Variants in CSMD3 observed in about 807,000 individuals in gnomAD.
CSMD3 encodes CUB and sushi domain-containing protein 3.
Under a neutral mutation model 435.2 loss-of-function variants are expected in CSMD3, and 177 were observed. That is an observed-to-expected ratio of 0.41 (90% CI 0.36 to 0.46). The LOEUF is 0.46. Among genes scored for constraint, CSMD3 ranks in the 20% least tolerant of loss-of-function variants. The pLI is 0.34. For missense variants in CSMD3, 4,265 were observed against 4,504.6 expected (o/e 0.95, Z 1.52); for synonymous variants, 1,656 against 1,520.5 (o/e 1.09, Z -2.07).
At chr8:112,270,359 T>TGTGTGTGTGTGTGTGTGTGTTGGGGTGA (rs1554623000) in intron 59 of CSMD3, among the ~76,000 whole-genome samples, 1 of 130,906 alleles carries the variant, frequency 7.6e-6, no homozygotes, top group African/African-American at 3.6e-5. Flanking sequence ...TGTGTGTGTG[T>TGTGTGTGTGTGTGTGTGTGTTGGGGTGA]GTGTGTGTGT....
intron 32 of CSMD3, among the ~76,000 whole-genome samples, chr8:112,454,467 AT>A (rs1237416103): frequency 2.0e-5 from 3 of 152,194 alleles, no homozygotes; most frequent in Non-Finnish European, 2.9e-5. Flanking sequence ...ATGAACAGGC[AT>A]TTCTCAAAAT....
At chr8:113,302,262 T>TATATAATATAATATATATTATATAAAAA (rs2093776372) in intron 2 of CSMD3, among the ~76,000 whole-genome samples, 1 of 124,168 alleles carries the variant, frequency 8.1e-6, no homozygotes, top group Non-Finnish European at 1.6e-5. Flanking sequence ...TTATATAAAA[T>TATATAATATAATATATATTATATAAAAA]ATATATAATA....
At chr8:112,720,068 G>T (rs1439492460) in intron 13 of CSMD3, among the ~76,000 whole-genome samples, 1 of 152,116 alleles carries the variant, frequency 6.6e-6, no homozygotes, top group East Asian at 1.9e-4. Context: ...CCTTTGTCCA[G>T]TCATGACTTC....
chr8:113,432,846 A>G (rs2130099875), intron 1 of CSMD3, among the ~76,000 whole-genome samples: 1 of 152,322 alleles, frequency 6.6e-6, no homozygotes, highest in East Asian at 1.9e-4. Flanking sequence ...GTTACCCGCC[A>G]GGCGTTTCCG....
intron 32 of CSMD3, among the ~76,000 whole-genome samples, chr8:112,455,499 A>G (rs534223233): frequency 1.3e-5 from 2 of 152,256 alleles, no homozygotes; most frequent in South Asian, 4.1e-4. Flanking sequence ...TTGTACCCCA[A>G]GCCTCAGTGT....
intron 3 of CSMD3, among the ~76,000 whole-genome samples, chr8:113,199,282 A>C (rs1457131233): frequency 3.3e-5 from 5 of 151,498 alleles, no homozygotes; most frequent in Non-Finnish European, 7.4e-5. Flanking sequence ...AGCCTGTGTA[A>C]AATTTAGATT....
intron 4 of CSMD3, among the ~76,000 whole-genome samples, chr8:113,171,668 G>C (rs1226542170): frequency 6.6e-6 from 1 of 152,108 alleles, no homozygotes; most frequent in Non-Finnish European, 1.5e-5. Flanking sequence ...GTATCAAAAA[G>C]GTAACAAGCT....
Position 112,472,676 on chromosome 8 carries a change from T to G in CSMD3, c.5310A>C (p.Glu1770Asp). The stretch of plus-strand genomic sequence containing the variant: ...GATAGTTTGGTGATAGAACAGTGCC[T>G]TCTGAACCTGTTGAACGACTTCCAC... ...APCGSRSTGS[E>D]GTVLSPNYPK... Residue 1770 changes from glutamate (E) to aspartate (D), a missense_variant, in exon 32 of 71, where the codon GAA (glutamate) becomes GAC (aspartate). Coordinates refer to ENST00000297405, the MANE Select transcript of CSMD3 (RefSeq NM_198123.2). 1.2e-6 allele frequency: 2 copies of G among 1,611,520 alleles called. No individual in the cohort carries two copies. Among genetic ancestry groups the G allele is most frequent in the Non-Finnish European group, 1.7e-6 (2 of 1,177,886 alleles).
chr8:113,295,733 T>C (rs1338783095), intron 2 of CSMD3, among the ~76,000 whole-genome samples: 2 of 152,096 alleles, frequency 1.3e-5, no homozygotes, highest in Admixed American at 6.6e-5. Flanking sequence ...TGGTCTCAGA[T>C]TGTGGCAATT....
chr8:112,997,419 G>T (rs946638649), intron 6 of CSMD3, among the ~76,000 whole-genome samples: 3 of 151,360 alleles, frequency 2.0e-5, no homozygotes, highest in Non-Finnish European at 4.4e-5. Context: ...TTCCTTAATG[G>T]ATACCTGTTT....
intron 10 of CSMD3, among the ~76,000 whole-genome samples, chr8:112,908,363 T>A (rs1345922252): frequency 6.6e-6 from 1 of 151,504 alleles, no homozygotes; most frequent in Non-Finnish European, 1.5e-5. Context: ...AATAAGTTCT[T>A]TATGACTCTA....
intron 1 of CSMD3, among the ~76,000 whole-genome samples, chr8:113,357,551 T>C (rs1456756155): frequency 1.3e-5 from 2 of 152,198 alleles, no homozygotes; most frequent in African/African-American, 4.8e-5. Context: ...AAACACAACG[T>C]TGTTGTATTG....
chr8:112,821,050 T>C (rs2079517025), intron 12 of CSMD3, among the ~76,000 whole-genome samples: 1 of 152,158 alleles, frequency 6.6e-6, no homozygotes, highest in South Asian at 2.1e-4. Flanking sequence ...ATCCAGTCTA[T>C]CGTTGATGGG....
At chr8:113,103,916 A>G (rs1399369391) in intron 4 of CSMD3, among the ~76,000 whole-genome samples, 2 of 152,206 alleles carry the variant, frequency 1.3e-5, no homozygotes, top group Admixed American at 6.5e-5. Context: ...AATCTCTGTG[A>G]CAGTTATTTA....
chr8:112,824,195 T>C (rs1169696584), intron 12 of CSMD3, among the ~76,000 whole-genome samples: 1 of 152,168 alleles, frequency 6.6e-6, no homozygotes, highest in African/African-American at 2.4e-5. Flanking sequence ...CCTATTTGTG[T>C]CTTTGCACAT....
intron 27 of CSMD3, among the ~76,000 whole-genome samples, chr8:112,526,535 G>C (rs1042975571): frequency 6.6e-6 from 1 of 151,718 alleles, no homozygotes; most frequent in African/African-American, 2.4e-5. Flanking sequence ...CAATTTTATT[G>C]GTTGCAATTA....
At chr8:112,683,579 T>A (rs934285249) in intron 15 of CSMD3, among the ~76,000 whole-genome samples, 2 of 152,016 alleles carry the variant, frequency 1.3e-5, no homozygotes, top group African/African-American at 2.4e-5. Context: ...ATAGATTACA[T>A]GAACAATCCA....
In CSMD3 at chr8:112,620,582, C is replaced by A. The variant is rs113251280; in HGVS notation, c.3715+16235G>T. Among the ~76,000 whole-genome samples the A allele has an allele frequency of 6.7e-3, 1,019 of 152,196 alleles. 6 individuals are homozygous for A. The highest frequency in any genetic ancestry group is 0.023 in the African/African-American group (964 of 41,530). On this transcript the variant is annotated intron_variant, in intron 22 of 70. Coordinates refer to ENST00000297405, the MANE Select transcript of CSMD3 (RefSeq NM_198123.2). ...CCCTCCTTTCTACAAATAAGCTAAA[C>A]CAGTTCCTGTTTTCAGGGCCAAGAT...
At chr8:112,676,922 A>C (rs2075782115) in intron 16 of CSMD3, among the ~76,000 whole-genome samples, 1 of 152,100 alleles carries the variant, frequency 6.6e-6, no homozygotes, top group Admixed American at 6.6e-5. Context: ...GGGCATTATA[A>C]AGTAGAAATG....
Sources: allele counts gnomAD v4.1 joint callset (sites outside exome capture counted in the v4.1 genomes callset), GRCh38; gene constraint gnomAD v4.1.1; transcripts MANE v1.5; gene names NCBI Gene and HGNC (gene_info 2026-07-23, HGNC 2026-07-21).